LIPC: variants seen among roughly 807,000 people sequenced by gnomAD.
LIPC encodes the protein hepatic triacylglycerol lipase.
In LIPC, 44 loss-of-function variants were observed where a neutral mutation model predicts 50.7. That is an observed-to-expected ratio of 0.87 (90% CI 0.68 to 1.11). The LOEUF is 1.11. Among genes scored for constraint, LIPC ranks in the 50% most tolerant of loss-of-function variants. The probability of loss-of-function intolerance (pLI) is 0.00; values close to 1 mark genes in which losing one functional copy is unlikely to be tolerated. For missense variants in LIPC, 697 were observed against 648.2 expected, an observed-to-expected ratio of 1.08 and a Z score of -0.82; for synonymous variants, 271 against 256.4, an observed-to-expected ratio of 1.06 and a Z score of -0.54.
chr15:58,522,233 C>G (rs2140877234), intron 1 of LIPC: 1 of 153,918 alleles, frequency 6.5e-6, no homozygotes. Context: ...TCTCTCCCAG[C>G]CACTGCCTCA....
At chr15:58,470,277 T>G (rs1894746153) in intron 1 of LIPC, among the ~76,000 whole-genome samples, 1 of 152,154 alleles carries the variant, frequency 6.6e-6, no homozygotes, top group African/African-American at 2.4e-5. Context: ...GAGAGATTTG[T>G]TCAGAGAAGA....
intron 6 of LIPC, among the ~76,000 whole-genome samples, chr15:58,550,437 G>A (rs1214051240): frequency 6.6e-6 from 1 of 152,176 alleles, no homozygotes; most frequent in African/African-American, 2.4e-5. Context: ...TCTCCCATTT[G>A]CCAACGGCCC....
intron 1 of LIPC, among the ~76,000 whole-genome samples, chr15:58,499,980 A>G (rs1261110442): frequency 1.3e-5 from 2 of 152,086 alleles, no homozygotes; most frequent in African/African-American, 2.4e-5. Flanking sequence ...GGTACAAGAG[A>G]TCCAGAACTT....
At chr15:58,564,023 G>A (rs6494022) in intron 8 of LIPC, 440,515 of 445,226 alleles carry the variant, frequency 0.99, 218,088 homozygotes, top group East Asian at 1. Context: ...CTCAAGCTTC[G>A]GTGCAGGTGA....
At chr15:58,470,187 C>G (rs1024707587) in intron 1 of LIPC, among the ~76,000 whole-genome samples, 6 of 152,152 alleles carry the variant, frequency 3.9e-5, no homozygotes, top group Non-Finnish European at 7.4e-5. Flanking sequence ...CGGGTTCAGC[C>G]TCCCAAAGTG....
At chr15:58,494,541 C>T (rs1167085996) in intron 1 of LIPC, among the ~76,000 whole-genome samples, 1 of 152,204 alleles carries the variant, frequency 6.6e-6, no homozygotes, top group African/African-American at 2.4e-5. Flanking sequence ...GGGAAGTATG[C>T]TGCAGATATA....
chr15:58,528,809 G>A (rs1892865655), intron 1 of LIPC, among the ~76,000 whole-genome samples: 1 of 152,202 alleles, frequency 6.6e-6, no homozygotes. Context: ...CTGAGTATAA[G>A]GCACCCAATT....
At chr15:58,487,999 C>T (rs916230313) in intron 1 of LIPC, among the ~76,000 whole-genome samples, 2 of 152,198 alleles carry the variant, frequency 1.3e-5, no homozygotes, top group African/African-American at 2.4e-5. Context: ...TGGCCAGGCA[C>T]GGTAGCTCAC....
chr15:58,550,044 C>T (rs1893690005), intron 6 of LIPC, among the ~76,000 whole-genome samples: 2 of 152,242 alleles, frequency 1.3e-5, no homozygotes, highest in African/African-American at 4.8e-5. Flanking sequence ...GCAGTTCAAC[C>T]CTGCCGTTTT....
At position 58,541,969 on chromosome 15, in the gene LIPC, T is replaced by C. The variant is rs373200197; in HGVS notation, c.456+2T>C. The C allele has an allele frequency of 4.2e-5, 67 of 1,606,074 alleles. No homozygotes were observed. In the African/African-American group the frequency reaches 7.8e-4, roughly 19 times the overall value. ...GCGGCTCTTCTCCGGTGGCTGGAGG[T>C]ACCGACCTGCCCCATCCTTCCTTCA... On this transcript the variant is annotated splice_donor_variant, in intron 3 of 8. Coordinates refer to ENST00000299022, the MANE Select transcript of LIPC (RefSeq NM_000236.3). LOFTEE classifies it high-confidence loss of function.
In LIPC at chr15:58,496,743, CAA is replaced by C. The variant is rs10716717; in HGVS notation, c.89-41574_89-41573del. 3.4e-3 allele frequency among the ~76,000 whole-genome samples: 384 copies of C among 114,122 alleles called. 13 individuals are homozygous for C. Among genetic ancestry groups the C allele is most frequent in the South Asian group, 0.027 (89 of 3,296 alleles). 74.9% of individuals were successfully genotyped at this position (114,122 alleles called of 152,430 possible). On this transcript the variant is annotated intron_variant, in intron 1 of 8. Coordinates refer to ENST00000299022, the MANE Select transcript of LIPC (RefSeq NM_000236.3). ...GCCCTGCTACAGAAGTCTTCCCCCT[CAA>C]AAAAAAAAAAAAAAATTAAGATGGA...
At chr15:58,520,376 C>A (rs907311280) in intron 1 of LIPC, among the ~76,000 whole-genome samples, 1 of 152,170 alleles carries the variant, frequency 6.6e-6, no homozygotes, top group Non-Finnish European at 1.5e-5. Context: ...GATGCTAGAG[C>A]ACAACGTCTA....
At chr15:58,458,888 T>C (rs1345753262) in intron 1 of LIPC, among the ~76,000 whole-genome samples, 7 of 152,186 alleles carry the variant, frequency 4.6e-5, no homozygotes, top group African/African-American at 1.7e-4. Context: ...ATGATTAAGT[T>C]GTGCGTTAAG....
At chr15:58,453,777 C>T (rs1159086482) in intron 1 of LIPC, among the ~76,000 whole-genome samples, 5 of 151,308 alleles carry the variant, frequency 3.3e-5, no homozygotes, top group African/African-American at 1.2e-4. Flanking sequence ...ATAGTCCTAG[C>T]TACTAGGGAG....
intron 1 of LIPC, among the ~76,000 whole-genome samples, chr15:58,472,213 A>G (rs1890833353): frequency 1.4e-5 from 2 of 147,576 alleles, no homozygotes; most frequent in South Asian, 4.4e-4. Flanking sequence ...AGAGGTTGCA[A>G]TGAGCAAAGA....
intron 6 of LIPC, among the ~76,000 whole-genome samples, chr15:58,556,048 G>A (rs1342362167): frequency 2.0e-5 from 3 of 152,158 alleles, no homozygotes; most frequent in Non-Finnish European, 4.4e-5. Flanking sequence ...GGACAGCAGG[G>A]GTAGAGGGAG....
At position 58,542,666 on chromosome 15, in the gene LIPC, T is replaced by C. The variant is rs373270467; in HGVS notation, c.574+15T>C. ...GAGAATCACAGGTAACCATGCCTAATAACTCACACACTGATCTCCACTCCA... is the reference window on the plus strand; with the variant it reads ...GAGAATCACAGGTAACCATGCCTAACAACTCACACACTGATCTCCACTCCA... On this transcript the variant is annotated intron_variant, in intron 4 of 8. Coordinates refer to ENST00000299022, the MANE Select transcript of LIPC (RefSeq NM_000236.3). The C allele has an allele frequency of 9.1e-6, 14 of 1,539,172 alleles. No individual in the cohort carries two copies. The highest frequency in any genetic ancestry group is 9.0e-5 in the East Asian group (4 of 44,510).
chr15:58,452,592 A>T (rs957544605), intron 1 of LIPC, among the ~76,000 whole-genome samples: 1 of 152,192 alleles, frequency 6.6e-6, no homozygotes, highest in East Asian at 1.9e-4. Flanking sequence ...TAAAGCCTCA[A>T]TCTCACATCT....
chr15:58,516,092 A>G (rs1892478292), intron 1 of LIPC, among the ~76,000 whole-genome samples: 1 of 152,182 alleles, frequency 6.6e-6, no homozygotes, highest in African/African-American at 2.4e-5. Context: ...AAGGAGCCCA[A>G]GGCAATGGGA....
Sources: gnomAD v4.1 joint callset for allele counts (sites outside exome capture counted in the v4.1 genomes callset) on GRCh38, gnomAD v4.1.1 for gene constraint, MANE v1.5 for transcripts, NCBI Gene and HGNC (gene_info 2026-07-23, HGNC 2026-07-21) for gene names.